The following B3GLCT variants were observed in gnomAD, a reference collection of about 807,000 sequenced individuals.
B3GLCT encodes beta-1,3-glucosyltransferase.
In B3GLCT, 65 loss-of-function variants were observed where a neutral mutation model predicts 63.4. The ratio of observed to expected loss-of-function variants is 1.03; its 90% CI spans 0.84 to 1.26. B3GLCT has a LOEUF of 1.26. Ranked by LOEUF, B3GLCT falls within the 50% of genes most tolerant of loss-of-function variation. The pLI is 0.00. For missense variants in B3GLCT, 577 were observed against 604.8 expected (o/e 0.95, Z 0.48); for synonymous variants, 233 against 219.2 (o/e 1.06, Z -0.55).
chr13:31,316,539 G>C (rs1386670202), intron 12 of B3GLCT, among the ~76,000 whole-genome samples: 2 of 150,258 alleles, frequency 1.3e-5, no homozygotes, highest in Admixed American at 6.6e-5. Flanking sequence ...TGATTGCCTG[G>C]CCAGGTTTTG....
At chr13:31,246,951 C>CTTTTTTTTTTTTTTTT (rs66466340) in intron 4 of B3GLCT, 72 bp from the exon 5 acceptor site, 111 of 779,620 alleles carry the variant, frequency 1.4e-4, no homozygotes, top group South Asian at 5.2e-4. Context: ...CTTTTCTTTT[C>CTTTTTTTTTTTTTTTT]TTTTTTTTTT....
chr13:31,285,465 T>G (rs1245515868), intron 11 of B3GLCT, among the ~76,000 whole-genome samples: 1 of 152,110 alleles, frequency 6.6e-6, no homozygotes, highest in Admixed American at 6.6e-5. Context: ...TATAAAAATT[T>G]TAAAAAATTG....
chr13:31,301,567 GT>G (rs1455439727), intron 12 of B3GLCT, among the ~76,000 whole-genome samples: 1 of 152,148 alleles, frequency 6.6e-6, no homozygotes, highest in Non-Finnish European at 1.5e-5. Flanking sequence ...TTATGTTCTA[GT>G]CCCAGGAATT....
intron 12 of B3GLCT, among the ~76,000 whole-genome samples, chr13:31,293,995 A>T (rs1035978794): frequency 6.6e-6 from 1 of 152,204 alleles, no homozygotes; most frequent in African/African-American, 2.4e-5. Flanking sequence ...CTTGTAAGGA[A>T]GGCCTTGTGG....
At position 31,330,046 on chromosome 13, in the gene B3GLCT, A is replaced by G. The variant is rs1014998263; in HGVS notation, c.*378A>G. On this transcript the variant is annotated 3_prime_UTR_variant, in exon 15 of 15. Transcript: ENST00000343307. Reference sequence around the variant, plus strand: ...GTTTCAGTTGGGCATGAGCCTGGAGAGATGTGACTGTCTACAGTTCTATTT... The same window carrying G: ...GTTTCAGTTGGGCATGAGCCTGGAGGGATGTGACTGTCTACAGTTCTATTT... The G allele has an allele frequency of 3.7e-6, 1 of 271,588 alleles. No homozygotes were observed. Among genetic ancestry groups the G allele is most frequent in the Non-Finnish European group, 7.2e-6 (1 of 139,764 alleles). The allele number at this position is 271,588 out of a possible 1,614,324, so 16.8% of individuals were successfully genotyped here. A position where few individuals can be genotyped will look rare whatever the true frequency, so the allele number is the denominator to read the frequency against.
At chr13:31,221,676 A>G (rs1424953974) in intron 2 of B3GLCT, among the ~76,000 whole-genome samples, 2 of 152,154 alleles carry the variant, frequency 1.3e-5, no homozygotes, top group Non-Finnish European at 2.9e-5. Context: ...GAGTGTTGTC[A>G]TGGTCCCTTT....
chr13:31,315,933 G>A (rs1874981696), intron 12 of B3GLCT, among the ~76,000 whole-genome samples: 1 of 152,238 alleles, frequency 6.6e-6, no homozygotes, highest in Non-Finnish European at 1.5e-5. Flanking sequence ...GCTTCAGAGG[G>A]TGCAAACCCC....
chr13:31,266,280 A>G (rs947931136), intron 7 of B3GLCT, among the ~76,000 whole-genome samples: 10 of 152,094 alleles, frequency 6.6e-5, no homozygotes, highest in Non-Finnish European at 1.2e-4. Flanking sequence ...CGCCCACCTC[A>G]GCCTCCCAAA....
chr13:31,210,853 T>TGGGAGGA (rs1286276806), intron 1 of B3GLCT, among the ~76,000 whole-genome samples: 1 of 152,132 alleles, frequency 6.6e-6, no homozygotes, highest in African/African-American at 2.4e-5. Flanking sequence ...CAAGGAGTCC[T>TGGGAGGA]CCCACCTCAG....
Position 31,274,628 on chromosome 13 carries a change from TGTGA to T in B3GLCT, c.780+3_780+6del, listed in dbSNP as rs1872702472. Reference sequence around the variant, plus strand: ...CATTCCATTCTTTTCTACCGCTTTGTGTGAGTAACAGAAGAAAAACTTCTTTGCA... The same window carrying T: ...CATTCCATTCTTTTCTACCGCTTTGTGTAACAGAAGAAAAACTTCTTTGCA... On this transcript the variant is annotated splice_donor_variant and splice_donor_region_variant and intron_variant, in intron 9 of 14. Transcript: ENST00000343307. LOFTEE classifies it high-confidence loss of function. 6.2e-7 allele frequency: 1 copy of T among 1,614,234 alleles called. No individual in the cohort carries two copies. Among genetic ancestry groups the T allele is most frequent in the Non-Finnish European group, 8.5e-7 (1 of 1,180,042 alleles).
chr13:31,292,246 G>A (rs185312402), intron 12 of B3GLCT, among the ~76,000 whole-genome samples: 32 of 152,292 alleles, frequency 2.1e-4, no homozygotes, highest in Admixed American at 1.4e-3. Flanking sequence ...TCACATCAAC[G>A]TTCATCAGGG....
rs374743747 is a variant in B3GLCT at position 31,249,962 on chromosome 13, A to G, written c.459+1996A>G. Among the ~76,000 whole-genome samples, 12 of 152,320 alleles carry G rather than the reference A, an allele frequency of 7.9e-5. No individual in the cohort carries two copies. The East Asian group carries it at 2.1e-3, about 27-fold the overall frequency. ...TTTTGTTTGATTCTGATTTATTTCC[A>G]TCATCATCTTTCAGTCATTCTTACT... On this transcript the variant is annotated intron_variant, in intron 6 of 14. Transcript: ENST00000343307.
chr13:31,268,592 G>T (rs1872439441), intron 7 of B3GLCT, among the ~76,000 whole-genome samples: 2 of 152,158 alleles, frequency 1.3e-5, no homozygotes. Flanking sequence ...GGCACTCTAG[G>T]CAGATGTCCA....
intron 12 of B3GLCT, among the ~76,000 whole-genome samples, chr13:31,316,328 G>GCC (rs916832373): frequency 6.0e-5 from 9 of 149,218 alleles, no homozygotes; most frequent in Non-Finnish European, 1.0e-4. Flanking sequence ...CAGGGGTGGG[G>GCC]CCCAAGGCCT....
chr13:31,315,585 G>C (rs1306413085), intron 12 of B3GLCT, among the ~76,000 whole-genome samples: 2 of 152,214 alleles, frequency 1.3e-5, no homozygotes, highest in African/African-American at 4.8e-5. Context: ...CTTATTAAAA[G>C]GGAAGCAGAG....
intron 7 of B3GLCT, among the ~76,000 whole-genome samples, chr13:31,263,518 C>T (rs1042955494): frequency 3.9e-5 from 6 of 152,130 alleles, no homozygotes; most frequent in Admixed American, 2.6e-4. Flanking sequence ...GTAGCAGCAC[C>T]CAGAGCACTG....
At chr13:31,246,765 T>C (rs1871208760) in intron 4 of B3GLCT, among the ~76,000 whole-genome samples, 1 of 152,090 alleles carries the variant, frequency 6.6e-6, no homozygotes, top group African/African-American at 2.4e-5. Context: ...TTGAGCTCTA[T>C]TTGGGTGTGT....
chr13:31,287,325 C>G (rs1455166068), intron 12 of B3GLCT, among the ~76,000 whole-genome samples: 1 of 152,136 alleles, frequency 6.6e-6, no homozygotes, highest in African/African-American at 2.4e-5. Flanking sequence ...TGGGGAAAGA[C>G]CCAACCAGAT....
chr13:31,281,051 C>T (rs1428114985), intron 10 of B3GLCT, among the ~76,000 whole-genome samples: 1 of 152,150 alleles, frequency 6.6e-6, no homozygotes, highest in African/African-American at 2.4e-5. Context: ...CCTGAGCTGT[C>T]AGAAAACCTT....
Sources: allele counts gnomAD v4.1 joint callset (sites outside exome capture counted in the v4.1 genomes callset), GRCh38; gene constraint gnomAD v4.1.1; transcripts MANE v1.5; gene names NCBI Gene and HGNC (gene_info 2026-07-23, HGNC 2026-07-21).